The following FAM76A variants were observed in gnomAD, a reference collection of about 807,000 sequenced individuals.
The protein encoded by FAM76A is family with sequence similarity 76 member A, also known as protein FAM76A.
A neutral mutation model predicts 46.2 loss-of-function variants in FAM76A; 32 were observed. The observed-to-expected ratio is 0.69, with a 90% confidence interval of 0.52 to 0.93. The LOEUF is 0.93. Among genes scored for constraint, FAM76A ranks in the 40% least tolerant of loss-of-function variants. FAM76A has a pLI of 0.00. For synonymous variants in FAM76A, 137 were observed against 127.0 expected, an observed-to-expected ratio of 1.08 and a Z score of -0.53; for missense variants, 274 against 361.5, an observed-to-expected ratio of 0.76 and a Z score of 1.96.
chr1:27,744,350 A>G (rs1429954661), intron 4 of FAM76A, among the ~76,000 whole-genome samples: 9 of 152,082 alleles, frequency 5.9e-5, no homozygotes, highest in African/African-American at 1.9e-4. Flanking sequence ...GATGGTCTCA[A>G]TCTCCTGACC....
At chr1:27,759,668 C>CAGGTAGGTACACAA in intron 8 of FAM76A, 41 bp downstream of exon 8, 3 of 1,357,746 alleles carry the variant, frequency 2.2e-6, no homozygotes, top group Non-Finnish European at 3.1e-6. Flanking sequence ...AATTGTGTAC[C>CAGGTAGGTACACAA]TACCTGGTAT....
At chr1:27,760,410 C>A in intron 8 of FAM76A, 85 bp from the exon 9 acceptor site, 3 of 1,063,546 alleles carry the variant, frequency 2.8e-6, no homozygotes, top group East Asian at 2.8e-5. Flanking sequence ...CATTGTCTGC[C>A]TTAGCATCTG....
chr1:27,742,765 CAAA>C (rs2088175969), intron 4 of FAM76A, among the ~76,000 whole-genome samples: 1 of 152,058 alleles, frequency 6.6e-6, no homozygotes, highest in Admixed American at 6.6e-5. Context: ...AAAAAACAAA[CAAA>C]AACACAACTG....
intron 1 of FAM76A, 72 bp downstream of exon 1, chr1:27,726,233 G>A: frequency 8.3e-7 from 1 of 1,204,334 alleles, no homozygotes; most frequent in Non-Finnish European, 1.0e-6. Flanking sequence ...GATTCTGTGG[G>A]GACGCCCGGC....
intron 4 of FAM76A, among the ~76,000 whole-genome samples, chr1:27,738,487 T>A (rs7543285): frequency 0.082 from 12,313 of 150,840 alleles, 1,100 homozygotes; most frequent in East Asian, 0.26. Flanking sequence ...AAAAAAAAAA[T>A]AATAATAATA....
chr1:27,730,761 T>C (rs1337098221), intron 2 of FAM76A, among the ~76,000 whole-genome samples: 1 of 152,196 alleles, frequency 6.6e-6, no homozygotes, highest in Non-Finnish European at 1.5e-5. Context: ...TTTAACTTTA[T>C]AGTCACTTTC....
chr1:27,738,088 G>C (rs752193604), intron 4 of FAM76A, among the ~76,000 whole-genome samples: 33 of 151,954 alleles, frequency 2.2e-4, no homozygotes, highest in Non-Finnish European at 3.8e-4. Context: ...AGCCAGGCCT[G>C]ATGGCATCCT....
chr1:27,731,344 C>T (rs762284066), intron 2 of FAM76A, among the ~76,000 whole-genome samples: 15 of 151,734 alleles, frequency 9.9e-5, no homozygotes, highest in Admixed American at 2.6e-4. Context: ...GCTGGGATTA[C>T]AGGCACACAC....
At chr1:27,757,933 T>C (rs11247679) in intron 7 of FAM76A, among the ~76,000 whole-genome samples, 26,041 of 150,422 alleles carry the variant, frequency 0.17, 5,967 homozygotes, top group African/African-American at 0.53. Context: ...GCCAAGATCG[T>C]GCCACTGCAC....
At chr1:27,754,099 CT>C (rs869275641) in intron 6 of FAM76A, among the ~76,000 whole-genome samples, 6,264 of 88,044 alleles carry the variant, frequency 0.071, 316 homozygotes, top group African/African-American at 0.28. Context: ...ACTATCCCTT[CT>C]TTTTTTTTTT....
chr1:27,731,935 T>C (rs2087964061), intron 2 of FAM76A, among the ~76,000 whole-genome samples: 2 of 151,966 alleles, frequency 1.3e-5, no homozygotes, highest in South Asian at 4.2e-4. Flanking sequence ...GATTCTCTTG[T>C]CTCAGCCTCC....
At chr1:27,730,646 AT>A (rs2087941968) in intron 2 of FAM76A, among the ~76,000 whole-genome samples, 1 of 152,194 alleles carries the variant, frequency 6.6e-6, no homozygotes. Context: ...ATTTCTTTGA[AT>A]GTCCTTCACT....
intron 3 of FAM76A, among the ~76,000 whole-genome samples, chr1:27,733,803 T>C (rs1450820974): frequency 2.0e-5 from 3 of 152,058 alleles, no homozygotes; most frequent in African/African-American, 7.2e-5. Flanking sequence ...TGAGCTGAGA[T>C]TGCGCCACTG....
chr1:27,754,546 C>A (rs2088380550), intron 6 of FAM76A, among the ~76,000 whole-genome samples: 1 of 152,164 alleles, frequency 6.6e-6, no homozygotes, highest in Admixed American at 6.5e-5. Context: ...GAGTTTGCCA[C>A]CTCTTTGTTC....
At chr1:27,736,547 A>G (rs1370970650) in intron 4 of FAM76A, among the ~76,000 whole-genome samples, 2 of 152,122 alleles carry the variant, frequency 1.3e-5, no homozygotes, top group Non-Finnish European at 2.9e-5. Flanking sequence ...AGTGTTATCT[A>G]TGATGATTTG....
At chr1:27,727,562 T>C in intron 2 of FAM76A, 26 bp downstream of exon 2, 1 of 1,577,774 alleles carries the variant, frequency 6.3e-7, no homozygotes, top group African/African-American at 1.3e-5. Context: ...CCATGAAAGA[T>C]ATTAATAGGC....
chr1:27,757,956 T>A (rs765558085), intron 7 of FAM76A, among the ~76,000 whole-genome samples: 67 of 147,608 alleles, frequency 4.5e-4, no homozygotes, highest in Non-Finnish European at 7.4e-4. Flanking sequence ...CAGCCTGGGC[T>A]ACAGAGCAAG....
chr1:27,741,715 T>TTTTTTTATAAA (rs2148575504), intron 4 of FAM76A, among the ~76,000 whole-genome samples: 1 of 151,938 alleles, frequency 6.6e-6, no homozygotes, highest in African/African-American at 2.4e-5. Context: ...ACCCCATCTC[T>TTTTTTTATAAA]ACTAAAAATA....
At chr1:27,750,641 T>C (rs2088316177) in intron 6 of FAM76A, among the ~76,000 whole-genome samples, 1 of 152,222 alleles carries the variant, frequency 6.6e-6, no homozygotes, top group South Asian at 2.1e-4. Flanking sequence ...CGTTCGTATC[T>C]TCCAGTTTAA....
Sources: gnomAD v4.1 joint callset for allele counts (sites outside exome capture counted in the v4.1 genomes callset) on GRCh38, gnomAD v4.1.1 for gene constraint, MANE v1.5 for transcripts, NCBI Gene and HGNC (gene_info 2026-07-23, HGNC 2026-07-21) for gene names.